The following GALNT13 variants were observed in gnomAD, a reference collection of about 807,000 sequenced individuals.
The protein encoded by GALNT13 is polypeptide N-acetylgalactosaminyltransferase 13.
A neutral mutation model predicts 64.2 loss-of-function variants in GALNT13; 28 were observed. That is an observed-to-expected ratio of 0.44 (90% confidence interval 0.32 to 0.60). GALNT13 has a LOEUF of 0.60. Ranked by LOEUF, GALNT13 falls within the 20% of genes least tolerant of loss-of-function variation. The pLI is 0.05. For missense variants in GALNT13, 577 were observed against 669.8 expected, an observed-to-expected ratio of 0.86 and a Z score of 1.53; for synonymous variants, 214 against 224.6, an observed-to-expected ratio of 0.95 and a Z score of 0.42.
At chr2:153,991,868 G>C (rs1464923584) in intron 3 of GALNT13, among the ~76,000 whole-genome samples, 21 of 152,196 alleles carry the variant, frequency 1.4e-4, no homozygotes, top group Admixed American at 1.4e-3. Flanking sequence ...TTGGATCAGG[G>C]TGTTGAAGGT....
At chr2:153,140,752 G>A in the GALNT13 span, among the ~76,000 whole-genome samples, 3,933 of 152,060 alleles carry the variant, frequency 0.026, 164 homozygotes, top group Admixed American at 0.12. Flanking sequence ...CAACTAAGAT[G>A]CACTTCTTCA....
the GALNT13 span, among the ~76,000 whole-genome samples, chr2:153,560,752 T>C: frequency 6.6e-6 from 1 of 152,190 alleles, no homozygotes; most frequent in East Asian, 1.9e-4. Flanking sequence ...TGAGATATGA[T>C]AGGTCCCCCA....
chr2:154,291,140 T>C (rs1365308655), intron 8 of GALNT13, among the ~76,000 whole-genome samples: 1 of 152,104 alleles, frequency 6.6e-6, no homozygotes, highest in Non-Finnish European at 1.5e-5. Context: ...TTTATTCCCT[T>C]ATCTGGCCCC....
At chr2:154,024,001 T>A (rs58575705) in intron 3 of GALNT13, among the ~76,000 whole-genome samples, 1 of 151,940 alleles carries the variant, frequency 6.6e-6, no homozygotes, top group East Asian at 2.0e-4. Context: ...ATTCTTTTCT[T>A]TAAGAATGTT....
intron 2 of GALNT13, among the ~76,000 whole-genome samples, chr2:153,921,473 T>C (rs1418615827): frequency 2.0e-5 from 3 of 151,494 alleles, no homozygotes; most frequent in Non-Finnish European, 4.4e-5. Context: ...GAGGGTGGAG[T>C]CTTGGAGGAG....
At chr2:154,278,815 A>T (rs1324153161) in intron 8 of GALNT13, among the ~76,000 whole-genome samples, 1 of 152,138 alleles carries the variant, frequency 6.6e-6, no homozygotes, top group African/African-American at 2.4e-5. Flanking sequence ...GTGGGGGAAA[A>T]ATCTTTTTAA....
At chr2:154,030,890 C>G (rs973824052) in intron 3 of GALNT13, among the ~76,000 whole-genome samples, 1 of 152,110 alleles carries the variant, frequency 6.6e-6, no homozygotes, top group Non-Finnish European at 1.5e-5. Context: ...AATTAACCCT[C>G]TTTTCTTCAT....
chr2:154,140,485 G>C lies in GALNT13; in HGVS notation c.291G>C (p.Leu97=), dbSNP rs756266987. The change falls in exon 4 of 13, where the codon CTG becomes CTC. Residue 97 remains leucine, a synonymous_variant. Transcript: ENST00000392825. ...ASDLIALNRS[L]PDVRLEGCKT... ...ATTTGATTGCCCTTAATAGAAGTCT[G>C]CCAGATGTAAGATTAGAAGGGTAAG... 6.2e-7 allele frequency: 1 copy of C among 1,609,516 alleles called. No homozygotes were observed. Among genetic ancestry groups the C allele is most frequent in the Non-Finnish European group, 8.5e-7 (1 of 1,177,098 alleles).
chr2:153,092,943 A>T, the GALNT13 span, among the ~76,000 whole-genome samples: 1 of 152,188 alleles, frequency 6.6e-6, no homozygotes, highest in Non-Finnish European at 1.5e-5. Context: ...CCTTAGAGGA[A>T]AGGCTTTCAG....
chr2:153,997,663 C>A (rs2105209885), intron 3 of GALNT13, among the ~76,000 whole-genome samples: 1 of 152,160 alleles, frequency 6.6e-6, no homozygotes, highest in South Asian at 2.1e-4. Flanking sequence ...TTAAACTATA[C>A]TTTAAGTTCT....
intron 4 of GALNT13, among the ~76,000 whole-genome samples, chr2:154,205,241 A>G (rs1687376931): frequency 6.6e-6 from 1 of 152,182 alleles, no homozygotes. Context: ...GAGAGTGGCT[A>G]AAGTAATGGT....
At chr2:153,300,923 G>C in the GALNT13 span, among the ~76,000 whole-genome samples, 1 of 152,064 alleles carries the variant, frequency 6.6e-6, no homozygotes. Context: ...AAGAGTATAG[G>C]CTGGGCATGG....
chr2:153,233,496 A>AT, the GALNT13 span, among the ~76,000 whole-genome samples: 2 of 151,858 alleles, frequency 1.3e-5, no homozygotes, highest in Non-Finnish European at 2.9e-5. Flanking sequence ...TAAAAAAAAA[A>AT]ACTGCTTGTA....
At chr2:153,969,664 G>T (rs80281747) in intron 3 of GALNT13, among the ~76,000 whole-genome samples, 2 of 151,730 alleles carry the variant, frequency 1.3e-5, no homozygotes, top group African/African-American at 2.4e-5. Context: ...ACACTATTCC[G>T]CCTATTACAG....
chr2:153,630,453 A>G, the GALNT13 span, among the ~76,000 whole-genome samples: 1 of 131,242 alleles, frequency 7.6e-6, no homozygotes, highest in Admixed American at 8.2e-5. Context: ...AACAATGAGA[A>G]CACATGTACA....
intron 9 of GALNT13, among the ~76,000 whole-genome samples, chr2:154,361,482 T>G (rs771435431): frequency 6.6e-6 from 1 of 152,112 alleles, no homozygotes; most frequent in Non-Finnish European, 1.5e-5. Flanking sequence ...CAGACTGTCC[T>G]GGATTGAAAT....
chr2:153,996,363 A>G (rs1050916735), intron 3 of GALNT13, among the ~76,000 whole-genome samples: 1 of 152,124 alleles, frequency 6.6e-6, no homozygotes, highest in Non-Finnish European at 1.5e-5. Flanking sequence ...TTTTGATAAT[A>G]GCTATTCTAA....
the GALNT13 span, among the ~76,000 whole-genome samples, chr2:153,654,586 G>A: frequency 6.6e-6 from 1 of 151,898 alleles, no homozygotes; most frequent in East Asian, 1.9e-4. Context: ...CATCCACACA[G>A]TCCACATCTG....
chr2:153,458,130 C>T, the GALNT13 span, among the ~76,000 whole-genome samples: 2 of 152,098 alleles, frequency 1.3e-5, no homozygotes, highest in East Asian at 1.9e-4. Flanking sequence ...TGACTTTATT[C>T]TCCATGGAGG....
Sources: allele counts gnomAD v4.1 joint callset (sites outside exome capture counted in the v4.1 genomes callset), GRCh38; gene constraint gnomAD v4.1.1; transcripts MANE v1.5; gene names NCBI Gene and HGNC (gene_info 2026-07-23, HGNC 2026-07-21).